ADAMTS6: variants seen among roughly 807,000 people sequenced by gnomAD.
ADAMTS6 encodes the protein ADAM metallopeptidase with thrombospondin type 1 motif 6, also known as A disintegrin and metalloproteinase with thrombospondin motifs 6.
A neutral mutation model predicts 144.3 loss-of-function variants in ADAMTS6; 23 were observed. That is an observed-to-expected ratio of 0.16 (90% CI 0.11 to 0.23). ADAMTS6 has a LOEUF of 0.23. ADAMTS6 is among the 10% of genes least tolerant of loss of function. ADAMTS6 has a pLI of 1.00. For missense variants in ADAMTS6, 999 were observed against 1,379.6 expected, an observed-to-expected ratio of 0.72 and a Z score of 4.37; for synonymous variants, 444 against 457.5, an observed-to-expected ratio of 0.97 and a Z score of 0.38.
At chr5:65,312,424 A>G (rs1230574140) in intron 9 of ADAMTS6, among the ~76,000 whole-genome samples, 2 of 152,060 alleles carry the variant, frequency 1.3e-5, no homozygotes, top group East Asian at 3.8e-4. Flanking sequence ...ACTCAGTCAG[A>G]ACCTTCTATA....
At chr5:65,230,961 G>A in intron 15 of ADAMTS6, among the ~76,000 whole-genome samples, 1 of 147,328 alleles carries the variant, frequency 6.8e-6, no homozygotes, top group African/African-American at 2.5e-5. Context: ...AGACAGCAAA[G>A]AAAAATAAAG....
chr5:65,284,257 C>T (rs1763199182), intron 11 of ADAMTS6, among the ~76,000 whole-genome samples: 1 of 151,974 alleles, frequency 6.6e-6, no homozygotes, highest in African/African-American at 2.4e-5. Context: ...GGAAAGGATA[C>T]CTTGATCAGA....
At chr5:65,456,949 A>C (rs1759257984) in intron 4 of ADAMTS6, among the ~76,000 whole-genome samples, 1 of 152,192 alleles carries the variant, frequency 6.6e-6, no homozygotes, top group Admixed American at 6.5e-5. Context: ...GGGTTTTCAT[A>C]TCTTATATTT....
intron 22 of ADAMTS6, 22 bp downstream of exon 22, chr5:65,187,994 A>T (rs1453937251): frequency 3.1e-6 from 5 of 1,612,600 alleles, no homozygotes; most frequent in Non-Finnish European, 3.4e-6. Context: ...AAACATATAC[A>T]TATAGCCTCA....
chr5:65,362,791 T>C (rs1305265628), intron 7 of ADAMTS6, among the ~76,000 whole-genome samples: 8 of 152,152 alleles, frequency 5.3e-5, no homozygotes, highest in Admixed American at 5.2e-4. Context: ...AGTCTACAAT[T>C]TTCACTCCAG....
intron 18 of ADAMTS6, 48 bp from the exon 19 acceptor site, chr5:65,215,535 C>T: frequency 2.0e-6 from 3 of 1,525,386 alleles, no homozygotes; most frequent in South Asian, 2.4e-5. Context: ...TTTCATTTAC[C>T]AAAGTGTCAC....
At chr5:65,279,886 C>T (rs1762857493) in intron 11 of ADAMTS6, among the ~76,000 whole-genome samples, 1 of 152,080 alleles carries the variant, frequency 6.6e-6, no homozygotes, top group Non-Finnish European at 1.5e-5. Flanking sequence ...ATTGTTTCCT[C>T]GTGTTGTTTG....
At chr5:65,420,248 C>T (rs1755911662) in intron 7 of ADAMTS6, among the ~76,000 whole-genome samples, 1 of 152,142 alleles carries the variant, frequency 6.6e-6, no homozygotes, top group African/African-American at 2.4e-5. Flanking sequence ...CTGGTCTCTC[C>T]CTTGACACAT....
intron 7 of ADAMTS6, among the ~76,000 whole-genome samples, chr5:65,337,337 A>AT (rs1344456996): frequency 2.6e-5 from 4 of 152,108 alleles, no homozygotes; most frequent in Non-Finnish European, 4.4e-5. Flanking sequence ...TTATTTACAT[A>AT]TTTTATAAAC....
At chr5:65,391,806 G>C (rs1212791423) in intron 7 of ADAMTS6, among the ~76,000 whole-genome samples, 1 of 151,508 alleles carries the variant, frequency 6.6e-6, no homozygotes, top group African/African-American at 2.4e-5. Context: ...CATGATCTTG[G>C]CTCACTGCAA....
chr5:65,153,994 G>T (rs537987394), intron 24 of ADAMTS6, among the ~76,000 whole-genome samples: 10 of 152,258 alleles, frequency 6.6e-5, no homozygotes, highest in African/African-American at 2.4e-4. Context: ...GATCACCTGA[G>T]GTCAGGAGCA....
intron 3 of ADAMTS6, among the ~76,000 whole-genome samples, chr5:65,467,317 G>T (rs1760104909): frequency 1.3e-5 from 2 of 151,940 alleles, no homozygotes; most frequent in Non-Finnish European, 2.9e-5. Flanking sequence ...TCTCTAAGCT[G>T]AAGGAGGGTC....
chr5:65,239,263 T>TAAAAA (rs397884878), intron 15 of ADAMTS6, among the ~76,000 whole-genome samples: 5 of 142,904 alleles, frequency 3.5e-5, no homozygotes, highest in African/African-American at 5.1e-5. Context: ...ACTTAATGTA[T>TAAAAA]AAAAAAAAAA....
intron 18 of ADAMTS6, 47 bp from the exon 19 acceptor site, chr5:65,215,534 C>T: frequency 6.5e-7 from 1 of 1,538,382 alleles, no homozygotes; most frequent in South Asian, 1.2e-5. Flanking sequence ...ATTTCATTTA[C>T]CAAAGTGTCA....
intron 22 of ADAMTS6, among the ~76,000 whole-genome samples, chr5:65,187,677 T>G (rs149473844): frequency 2.6e-5 from 4 of 152,346 alleles, no homozygotes; most frequent in African/African-American, 7.2e-5. Context: ...CCTTTTGAAC[T>G]TCAATTTTTA....
chr5:65,353,894 C>T (rs1561455840), intron 7 of ADAMTS6, among the ~76,000 whole-genome samples: 2 of 151,912 alleles, frequency 1.3e-5, no homozygotes, highest in African/African-American at 4.8e-5. Flanking sequence ...CTCTGGAAGA[C>T]TATTTAAGCC....
At chr5:65,407,979 C>A (rs1754705150) in intron 7 of ADAMTS6, among the ~76,000 whole-genome samples, 1 of 152,100 alleles carries the variant, frequency 6.6e-6, no homozygotes, top group African/African-American at 2.4e-5. Flanking sequence ...GCCTGCCTTA[C>A]AAGGGCTTCT....
intron 11 of ADAMTS6, among the ~76,000 whole-genome samples, chr5:65,275,407 GA>G (rs1202222325): frequency 1.7e-5 from 2 of 119,992 alleles, no homozygotes; most frequent in East Asian, 2.2e-4. Flanking sequence ...AAGAAAGAAA[GA>G]AAGAAAGAAA....
intron 7 of ADAMTS6, among the ~76,000 whole-genome samples, chr5:65,359,573 C>A (rs1030119100): frequency 6.6e-6 from 1 of 152,188 alleles, no homozygotes; most frequent in Non-Finnish European, 1.5e-5. Flanking sequence ...AGTCAATTCA[C>A]TGTGGCATTA....
Sources: allele counts gnomAD v4.1 joint callset (sites outside exome capture counted in the v4.1 genomes callset), GRCh38; gene constraint gnomAD v4.1.1; transcripts MANE v1.5; gene names NCBI Gene and HGNC (gene_info 2026-07-23, HGNC 2026-07-21).